The following GLI3 variants were observed in gnomAD, a reference collection of about 807,000 sequenced individuals.
The protein encoded by GLI3 is GLI family zinc finger 3.
A neutral mutation model predicts 100.8 loss-of-function variants in GLI3; 20 were observed. That is an observed-to-expected ratio of 0.20 (90% CI 0.14 to 0.29). GLI3 has a LOEUF of 0.29. Ranked by LOEUF, GLI3 falls within the 10% of genes least tolerant of loss-of-function variation. GLI3 has a pLI of 1.00. For missense variants in GLI3, 2,040 were observed against 2,128.5 expected (o/e 0.96, Z 0.82); for synonymous variants, 938 against 860.5 (o/e 1.09, Z -1.58).
In GLI3 at chr7:41,972,238, T is replaced by C. The variant is rs1264128436; in HGVS notation, c.2103+99A>G. The C allele has an allele frequency of 9.0e-7, 1 of 1,105,270 alleles. No homozygotes were observed. Among genetic ancestry groups the C allele is most frequent in the Non-Finnish European group, 1.4e-6 (1 of 718,768 alleles). 68.5% of individuals were successfully genotyped at this position (1,105,270 alleles called of 1,614,324 possible). A position where few individuals can be genotyped will look rare whatever the true frequency, so the allele number is the denominator to read the frequency against. On this transcript the variant is annotated intron_variant, in intron 13 of 14. Coordinates refer to ENST00000395925, the MANE Select transcript of GLI3 (RefSeq NM_000168.6). This position sits in a 1 kb window ranked among gnomAD's most constrained non-coding sequence, Gnocchi z 4.4. ...TCGCCTCCTCAGATCAGAGACAGCC[T>C]GACACAGTGAGGACCGGGAAGTCCT...
At chr7:42,138,953 G>A (rs1786495427) in intron 3 of GLI3, among the ~76,000 whole-genome samples, 1 of 152,182 alleles carries the variant, frequency 6.6e-6, no homozygotes, top group Non-Finnish European at 1.5e-5. Context: ...CCTCTCCCCT[G>A]AGACTCTTTC....
At position 41,972,394 on chromosome 7, in the gene GLI3, A is replaced by G. The variant is rs767129752; in HGVS notation, c.2046T>C (p.Thr682=). ...GGAGGCATTCTTCCCGCTTTGAGGT[A>G]GTGTTGCTGAGGTCCTGCTGCTCAC... ...ALGEQQDLSN[T]TSKREECLQV... is the part of the protein sequence containing the mutation. Residue 682 remains threonine, a synonymous_variant, in exon 13 of 15, where the codon ACT becomes ACC. Coordinates refer to ENST00000395925, the MANE Select transcript of GLI3 (RefSeq NM_000168.6). The surrounding 1 kb of genome is among the most constrained non-coding windows in gnomAD (Gnocchi z 4.4). 3.2e-5 allele frequency: 52 copies of G among 1,613,678 alleles called. No individual in the cohort carries two copies. The highest frequency in any genetic ancestry group is 4.4e-5 in the Non-Finnish European group (52 of 1,179,954).
At chr7:42,247,544 T>C (rs1327005802) in intron 1 of GLI3, among the ~76,000 whole-genome samples, 1 of 152,236 alleles carries the variant, frequency 6.6e-6, no homozygotes, top group Non-Finnish European at 1.5e-5. Flanking sequence ...AATATTCCAT[T>C]CATTTTCCGG....
At chr7:42,097,203 G>A (rs761347675) in intron 3 of GLI3, among the ~76,000 whole-genome samples, 3 of 152,182 alleles carry the variant, frequency 2.0e-5, no homozygotes, top group Non-Finnish European at 4.4e-5. Flanking sequence ...TATTGCTTTC[G>A]TTCAACAGCT....
At chr7:41,987,089 GACACAGACACAGACACACACAC>G (rs1787847555) in intron 10 of GLI3, among the ~76,000 whole-genome samples, 1 of 76,108 alleles carries the variant, frequency 1.3e-5, no homozygotes, top group African/African-American at 5.0e-5. Context: ...AACATACACA[GACACAGACACAGACACACACAC>G]ACACACACAC....
In GLI3 at chr7:42,234,672, A is replaced by G. The variant is rs969431028; in HGVS notation, c.-43+2299T>C. 2.0e-5 allele frequency among the ~76,000 whole-genome samples: 3 copies of G among 152,148 alleles called. 1 individual carries two copies. The highest frequency in any genetic ancestry group is 4.8e-5 in the African/African-American group (2 of 41,446). On this transcript the variant is annotated intron_variant, in intron 1 of 14. Transcript: ENST00000395925. ...AGTTGGACCTACCAGCCTACTAACA[A>G]TAATACAATCTATATCTTTAAAGTG...
chr7:42,099,098 T>C (rs926568837), intron 3 of GLI3, among the ~76,000 whole-genome samples: 5 of 152,012 alleles, frequency 3.3e-5, no homozygotes, highest in African/African-American at 1.2e-4. Flanking sequence ...GCTGAGTGAG[T>C]TCTGCCCAGG....
At chr7:42,114,564 C>T (rs1384405673) in intron 3 of GLI3, among the ~76,000 whole-genome samples, 2 of 152,198 alleles carry the variant, frequency 1.3e-5, no homozygotes, top group African/African-American at 2.4e-5. Flanking sequence ...CTAAGTGACA[C>T]ATCCGCACTG....
chr7:42,197,228 C>T (rs1787944897), intron 2 of GLI3, among the ~76,000 whole-genome samples: 3 of 152,198 alleles, frequency 2.0e-5, no homozygotes, highest in South Asian at 4.1e-4. Flanking sequence ...ATCAAGTCTT[C>T]ACAACCTATC....
intron 1 of GLI3, among the ~76,000 whole-genome samples, chr7:42,247,226 C>T (rs1233940886): frequency 6.6e-6 from 1 of 152,150 alleles, no homozygotes; most frequent in Non-Finnish European, 1.5e-5. Flanking sequence ...AAACTCATAG[C>T]AGCATACCTT....
chr7:42,104,287 G>A (rs1422134178), intron 3 of GLI3, among the ~76,000 whole-genome samples: 1 of 152,152 alleles, frequency 6.6e-6, no homozygotes, highest in Non-Finnish European at 1.5e-5. Flanking sequence ...TAGACATACT[G>A]CGTACCCAAC....
intron 11 of GLI3, 37 bp from the exon 12 acceptor site, chr7:41,977,759 A>G (rs1787548328): frequency 6.3e-7 from 1 of 1,590,798 alleles, no homozygotes; most frequent in South Asian, 1.1e-5. Flanking sequence ...ACTCTGCACA[A>G]TGGCAACAGC....
intron 3 of GLI3, among the ~76,000 whole-genome samples, chr7:42,099,225 C>G (rs1008476871): frequency 6.6e-6 from 1 of 152,108 alleles, no homozygotes; most frequent in Non-Finnish European, 1.5e-5. Flanking sequence ...AGCTTAAGGC[C>G]AAAACTTCGG....
intron 10 of GLI3, among the ~76,000 whole-genome samples, chr7:41,987,113 C>G (rs981274824): frequency 1.2e-4 from 18 of 151,664 alleles, no homozygotes; most frequent in African/African-American, 4.1e-4. Context: ...CACACACACA[C>G]ACACACACAC....
At chr7:42,162,792 T>C (rs760473105) in intron 2 of GLI3, among the ~76,000 whole-genome samples, 1 of 152,038 alleles carries the variant, frequency 6.6e-6, no homozygotes, top group Non-Finnish European at 1.5e-5. Flanking sequence ...TAGCAACCAC[T>C]GCAACTTCAA....
At chr7:42,004,088 G>A (rs1788384484) in intron 10 of GLI3, among the ~76,000 whole-genome samples, 1 of 152,120 alleles carries the variant, frequency 6.6e-6, no homozygotes, top group African/African-American at 2.4e-5. Flanking sequence ...AAAAGTCTTA[G>A]AAAATTTAGG....
intron 2 of GLI3, among the ~76,000 whole-genome samples, chr7:42,203,376 A>G (rs1244470096): frequency 6.6e-6 from 1 of 152,046 alleles, no homozygotes; most frequent in Non-Finnish European, 1.5e-5. Flanking sequence ...TTTGACCAAC[A>G]TCTCCCCAGT....
chr7:42,227,324 GAA>G (rs34418852), intron 1 of GLI3, among the ~76,000 whole-genome samples: 3 of 140,802 alleles, frequency 2.1e-5, no homozygotes, highest in African/African-American at 8.0e-5. Context: ...GCTCGGTGAA[GAA>G]AAAAAAAAAA....
chr7:42,107,490 G>C (rs770003258), intron 3 of GLI3, among the ~76,000 whole-genome samples: 28 of 152,352 alleles, frequency 1.8e-4, no homozygotes, highest in Non-Finnish European at 3.1e-4. Flanking sequence ...CAGGACAACA[G>C]TCACAGGGCT....
Sources: gnomAD v4.1 joint callset for allele counts (sites outside exome capture counted in the v4.1 genomes callset) on GRCh38, gnomAD v4.1.1 for gene constraint, Gnocchi (gnomAD v3.1) non-coding constraint, MANE v1.5 for transcripts, NCBI Gene and HGNC (gene_info 2026-07-23, HGNC 2026-07-21) for gene names.